CDH9: variants seen among roughly 807,000 people sequenced by gnomAD.
CDH9 encodes cadherin-9.
CDH9 carries 28 observed loss-of-function variants against 70.9 expected under a neutral mutation model. The observed-to-expected ratio is 0.40, with a 90% confidence interval of 0.29 to 0.54. The LOEUF (loss-of-function observed/expected upper bound fraction) is 0.54, where lower values mean the gene tolerates loss of function less well. CDH9 is among the 20% of genes least tolerant of loss of function. The probability of loss-of-function intolerance (pLI) is 0.59; values close to 1 mark genes in which losing one functional copy is unlikely to be tolerated. For missense variants in CDH9, 874 were observed against 984.4 expected, an observed-to-expected ratio of 0.89 and a Z score of 1.50; for synonymous variants, 409 against 343.1, an observed-to-expected ratio of 1.19 and a Z score of -2.12.
chr5:26,906,700 C>A lies in CDH9; in HGVS notation c.643+19G>T, dbSNP rs1485174850. The A allele has an allele frequency of 6.2e-7, 1 of 1,611,168 alleles. No homozygotes were observed. The highest frequency in any genetic ancestry group is 1.3e-5 in the African/African-American group (1 of 74,832). On this transcript the variant is annotated intron_variant, in intron 4 of 11. Coordinates refer to ENST00000231021, the MANE Select transcript of CDH9 (RefSeq NM_016279.4). ...AATGTATTATACAATAAGAAGTCAGCCAAGTTTAAATGTTGTACCTGATTC... is the reference window on the plus strand; with the variant it reads ...AATGTATTATACAATAAGAAGTCAGACAAGTTTAAATGTTGTACCTGATTC...
At chr5:27,031,546 A>G (rs1743310764) in intron 1 of CDH9, among the ~76,000 whole-genome samples, 1 of 151,936 alleles carries the variant, frequency 6.6e-6, no homozygotes, top group African/African-American at 2.4e-5. Flanking sequence ...TTATTTCCTG[A>G]ATGTGTGTTT....
intron 11 of CDH9, among the ~76,000 whole-genome samples, chr5:26,882,510 A>G (rs769337472): frequency 2.1e-4 from 32 of 152,108 alleles, no homozygotes; most frequent in Admixed American, 1.7e-3. Context: ...CTGGAAGATG[A>G]ACCTTTTTCT....
intron 1 of CDH9, among the ~76,000 whole-genome samples, chr5:27,015,412 C>T (rs556484279): frequency 1.1e-4 from 16 of 151,876 alleles, no homozygotes; most frequent in African/African-American, 3.6e-4. Context: ...GTGCATACTT[C>T]TCTGAAGAAA....
chr5:26,924,532 A>T (rs1453031389), intron 2 of CDH9, among the ~76,000 whole-genome samples: 2 of 148,418 alleles, frequency 1.3e-5, no homozygotes, highest in African/African-American at 5.0e-5. Context: ...TATATATATT[A>T]TATATATAAA....
rs1004507617 is a variant in CDH9, at chr5:26,880,956, G to A, written c.*180C>T. ...CTGGTTATTACTTTTTTAAAAATCTGTATCATTCGTATTCATTCACAAAGA... is the reference window on the plus strand; with the variant it reads ...CTGGTTATTACTTTTTTAAAAATCTATATCATTCGTATTCATTCACAAAGA... On this transcript the variant is annotated 3_prime_UTR_variant, in exon 12 of 12. Coordinates refer to ENST00000231021, the MANE Select transcript of CDH9 (RefSeq NM_016279.4). The A allele has an allele frequency of 4.1e-6, 2 of 492,330 alleles. No homozygotes were observed. The highest frequency in any genetic ancestry group is 4.2e-5 in the South Asian group (1 of 23,802). 30.5% of individuals were successfully genotyped at this position (492,330 alleles called of 1,614,324 possible).
rs966411198 is a variant in CDH9 at position 26,988,281 on chromosome 5, G to A, written c.53C>T (p.Thr18Ile). 7 of 1,613,184 alleles carry A rather than the reference G, an allele frequency of 4.3e-6. No homozygotes were observed. The highest frequency in any genetic ancestry group is 4.0e-5 in the African/African-American group (3 of 74,860). The change falls in exon 2 of 12, where the codon ACA (threonine) becomes ATA (isoleucine). Residue 18 changes from threonine to isoleucine, a missense_variant. Thr to Ile is a moderately conservative substitution (Grantham distance 89). Transcript: ENST00000231021. The part of the protein sequence containing the change: ...PLFIWTYMFH[T>I]VDTILLQEKP... ...TTCTTGTAATAGGATGGTGTCAACT[G>A]TATGGAACATATAGGTCCAGATGAA...
At chr5:26,960,790 T>C (rs1350831166) in intron 2 of CDH9, among the ~76,000 whole-genome samples, 1 of 98,872 alleles carries the variant, frequency 1.0e-5, no homozygotes, top group Non-Finnish European at 2.4e-5. Flanking sequence ...GTTTTCATTG[T>C]AAAAGTAATT....
rs563916564 is a variant in CDH9, at chr5:26,974,222, G to A, written c.228+13884C>T. On this transcript the variant is annotated intron_variant, in intron 2 of 11. Coordinates refer to ENST00000231021, the MANE Select transcript of CDH9 (RefSeq NM_016279.4). ...GCGCCACTGCACTTCAGCCAGGGCA[G>A]CTGAGTGAGACTCCATCTAAAAAAA... Among the ~76,000 whole-genome samples, 3 of 152,208 alleles carry A rather than the reference G, an allele frequency of 2.0e-5. No individual in the cohort carries two copies. In the South Asian group the frequency reaches 6.2e-4, roughly 32 times the overall value.
chr5:26,936,999 A>G (rs1561201121), intron 2 of CDH9, among the ~76,000 whole-genome samples: 1 of 152,150 alleles, frequency 6.6e-6, no homozygotes, highest in African/African-American at 2.4e-5. Context: ...ATACAACACC[A>G]AAAGAATGAT....
chr5:26,961,718 A>C (rs750556750), intron 2 of CDH9, among the ~76,000 whole-genome samples: 18 of 152,184 alleles, frequency 1.2e-4, no homozygotes, highest in Non-Finnish European at 2.6e-4. Context: ...ACCTGTATGC[A>C]ATTTTAATTG....
At chr5:26,890,228 G>A (rs1474900046) in intron 8 of CDH9, among the ~76,000 whole-genome samples, 200 bp downstream of exon 8, 1 of 152,120 alleles carries the variant, frequency 6.6e-6, no homozygotes. Flanking sequence ...TATATAAGGT[G>A]TAAAAGAAAA....
intron 1 of CDH9, among the ~76,000 whole-genome samples, chr5:26,995,718 C>T (rs1168678248): frequency 1.3e-5 from 2 of 151,998 alleles, no homozygotes; most frequent in Non-Finnish European, 2.9e-5. Flanking sequence ...CTTCATATTA[C>T]TTATTCAATA....
intron 7 of CDH9, among the ~76,000 whole-genome samples, chr5:26,896,520 GAA>G (rs1463173580): frequency 7.4e-6 from 1 of 135,508 alleles, no homozygotes; most frequent in Non-Finnish European, 1.6e-5. Flanking sequence ...AGAATGAAAT[GAA>G]AATTTCATTT....
chr5:26,989,519 T>TCTCG (rs1221720788), intron 1 of CDH9, among the ~76,000 whole-genome samples: 1 of 151,556 alleles, frequency 6.6e-6, no homozygotes, highest in Non-Finnish European at 1.5e-5. Flanking sequence ...TCTCTCTCTC[T>TCTCG]CTCTCTCTCT....
chr5:26,911,579 A>G (rs183093628), intron 3 of CDH9, among the ~76,000 whole-genome samples: 1 of 152,154 alleles, frequency 6.6e-6, no homozygotes, highest in Non-Finnish European at 1.5e-5. Context: ...CCAATCACCA[A>G]ATTTACAAAA....
At chr5:26,977,485 G>GTGTATATATATATATATGTATATATA (rs1491302863) in intron 2 of CDH9, among the ~76,000 whole-genome samples, 1 of 68,832 alleles carries the variant, frequency 1.5e-5, no homozygotes, top group African/African-American at 9.9e-5. Context: ...GTGTGTGTGT[G>GTGTATATATATATATATGTATATATA]TATATATATA....
intron 2 of CDH9, among the ~76,000 whole-genome samples, chr5:26,955,929 C>A (rs1028923216): frequency 6.6e-6 from 1 of 152,094 alleles, no homozygotes; most frequent in African/African-American, 2.4e-5. Flanking sequence ...ATAATTTAAC[C>A]TTTTTATATC....
chr5:27,035,171 G>GTATATATATATATATATATA (rs35693444), intron 1 of CDH9, among the ~76,000 whole-genome samples: 3 of 143,254 alleles, frequency 2.1e-5, no homozygotes, highest in African/African-American at 7.6e-5. Flanking sequence ...TATTGCATAT[G>GTATATATATATATATATATA]TATATATATA....
intron 1 of CDH9, among the ~76,000 whole-genome samples, chr5:27,033,673 CT>C (rs1743346538): frequency 6.6e-6 from 1 of 151,140 alleles, no homozygotes; most frequent in Non-Finnish European, 1.5e-5. Flanking sequence ...TTTATGTGTT[CT>C]TTATATTGTG....
Sources: allele counts gnomAD v4.1 joint callset (sites outside exome capture counted in the v4.1 genomes callset), GRCh38; gene constraint gnomAD v4.1.1; transcripts MANE v1.5; gene names NCBI Gene and HGNC (gene_info 2026-07-23, HGNC 2026-07-21).